The following PCGF5 variants were observed in gnomAD, a reference collection of about 807,000 sequenced individuals.
The protein encoded by PCGF5 is polycomb group ring finger 5.
PCGF5 carries 9 observed loss-of-function variants against 44.3 expected under a neutral mutation model. The observed-to-expected ratio is 0.20, with a 90% CI of 0.12 to 0.35. The LOEUF (loss-of-function observed/expected upper bound fraction) is 0.35, where lower values mean the gene tolerates loss of function less well. Ranked by LOEUF, PCGF5 falls within the 10% of genes least tolerant of loss-of-function variation. PCGF5 has a pLI of 1.00. For synonymous variants in PCGF5, 95 were observed against 102.5 expected (o/e 0.93, Z 0.44); for missense variants, 146 against 305.3 (o/e 0.48, Z 3.89).
intron 6 of PCGF5, among the ~76,000 whole-genome samples, chr10:91,257,286 A>T (rs1321113610): frequency 6.6e-6 from 1 of 152,086 alleles, no homozygotes; most frequent in East Asian, 1.9e-4. Flanking sequence ...GGATGGCCAG[A>T]AATTTTTTTT....
At chr10:91,228,182 G>T (rs1012555009) in intron 2 of PCGF5, among the ~76,000 whole-genome samples, 2 of 151,540 alleles carry the variant, frequency 1.3e-5, no homozygotes, top group East Asian at 3.9e-4. Context: ...AGGTGACCCT[G>T]GTGAAAAGAG....
At chr10:91,261,576 A>C in intron 7 of PCGF5, 152 bp downstream of exon 7, 2 of 1,038,504 alleles carry the variant, frequency 1.9e-6, no homozygotes, top group Non-Finnish European at 2.6e-6. Flanking sequence ...AGAATGTATT[A>C]TTCTACTTAG....
rs750027811 is a variant in PCGF5, at chr10:91,198,428, A to G, written c.-183-24261A>G. Among the ~76,000 whole-genome samples, 67 of 152,158 alleles carry G rather than the reference A, an allele frequency of 4.4e-4. 1 individual carries two copies. Among genetic ancestry groups the G allele is most frequent in the Non-Finnish European group, 7.8e-4 (53 of 68,022 alleles). ...GTTTTGTGGTCTTTACCCAGATGCC[A>G]TCTTCTCACTAATGCCTTTGCTGAC... On this transcript the variant is annotated intron_variant, in intron 1 of 9. Transcript: ENST00000614189.
intron 1 of PCGF5, among the ~76,000 whole-genome samples, chr10:91,198,225 G>C (rs370531049): frequency 1.3e-5 from 2 of 152,270 alleles, no homozygotes; most frequent in African/African-American, 4.8e-5. Context: ...TGGCCCAGAA[G>C]AGCCTGCGAG....
intron 8 of PCGF5, among the ~76,000 whole-genome samples, chr10:91,271,329 C>T (rs1308902328): frequency 6.6e-6 from 1 of 151,878 alleles, no homozygotes; most frequent in Non-Finnish European, 1.5e-5. Flanking sequence ...CTCGTGTATG[C>T]AAGAAGTGAG....
Position 91,185,648 on chromosome 10 carries a change from A to G in PCGF5, c.-184+22567A>G, listed in dbSNP as rs554817054. Among the ~76,000 whole-genome samples the G allele has an allele frequency of 1.2e-4, 19 of 152,340 alleles. No individual in the cohort carries two copies. In the South Asian group the frequency reaches 2.9e-3, roughly 23 times the overall value. On this transcript the variant is annotated intron_variant, in intron 1 of 9. Coordinates refer to the PCGF5 transcript ENST00000614189. The stretch of plus-strand genomic sequence containing the variant: ...ATGTAAAGCTCCTGGGTTTCTGTGT[A>G]TGCCTGAGTGGCTGCTCTGCCAAGA...
chr10:91,190,795 C>G (rs1429726644), intron 1 of PCGF5, among the ~76,000 whole-genome samples: 1 of 151,804 alleles, frequency 6.6e-6, no homozygotes, highest in African/African-American at 2.4e-5. Context: ...GTTTTCATTC[C>G]TGTTATAGGT....
At chr10:91,229,842 C>T (rs1285021811) in intron 2 of PCGF5, among the ~76,000 whole-genome samples, 4 of 152,012 alleles carry the variant, frequency 2.6e-5, no homozygotes, top group Admixed American at 6.5e-5. Context: ...TATTTATCAT[C>T]TCAGTAGGTG....
At chr10:91,157,188 T>C in the PCGF5 span, among the ~76,000 whole-genome samples, 2 of 152,314 alleles carry the variant, frequency 1.3e-5, no homozygotes, top group African/African-American at 4.8e-5. Flanking sequence ...ATTAAGTACT[T>C]TACATTTGTT....
At chr10:91,271,383 G>C (rs1846179146) in intron 8 of PCGF5, among the ~76,000 whole-genome samples, 1 of 151,978 alleles carries the variant, frequency 6.6e-6, no homozygotes, top group Admixed American at 6.6e-5. Flanking sequence ...GGAAAGGAGA[G>C]GCCACCATTT....
chr10:91,227,791 T>C (rs763060587), intron 2 of PCGF5: 79 of 990,786 alleles, frequency 8.0e-5, no homozygotes, highest in Non-Finnish European at 9.1e-5. Flanking sequence ...CACATACAAA[T>C]ACTTGGTTCA....
intron 3 of PCGF5, among the ~76,000 whole-genome samples, chr10:91,246,801 A>G (rs528132662): frequency 1.5e-3 from 226 of 152,226 alleles, no homozygotes; most frequent in African/African-American, 5.1e-3. Flanking sequence ...AAGCGAGACA[A>G]TGACTGGGCT....
intron 1 of PCGF5, among the ~76,000 whole-genome samples, chr10:91,165,198 A>G (rs1843478379): frequency 6.6e-6 from 1 of 152,238 alleles, no homozygotes; most frequent in South Asian, 2.1e-4. Context: ...CTACAGCACA[A>G]CAAGGGTTTG....
At chr10:91,234,472 G>C (rs1845096892) in intron 2 of PCGF5, among the ~76,000 whole-genome samples, 1 of 152,278 alleles carries the variant, frequency 6.6e-6, no homozygotes, top group African/African-American at 2.4e-5. Flanking sequence ...TTTCATACTT[G>C]AGTTGCAAGA....
At chr10:91,243,655 TA>T (rs1845385428) in intron 3 of PCGF5, among the ~76,000 whole-genome samples, 1 of 152,188 alleles carries the variant, frequency 6.6e-6, no homozygotes, top group Non-Finnish European at 1.5e-5. Flanking sequence ...TGGATGTTGC[TA>T]GTGCAACTGA....
chr10:91,219,102 C>T (rs1020306358), upstream of PCGF5, among the ~76,000 whole-genome samples: 1 of 152,178 alleles, frequency 6.6e-6, no homozygotes, highest in African/African-American at 2.4e-5. Context: ...AGACACAAAG[C>T]ACAGATTGCC....
intron 3 of PCGF5, among the ~76,000 whole-genome samples, chr10:91,242,419 TAA>T (rs11370726): frequency 6.6e-6 from 1 of 151,832 alleles, no homozygotes; most frequent in Non-Finnish European, 1.5e-5. Context: ...TTTATTAAAA[TAA>T]AAAACTGTTA....
At chr10:91,217,173 A>G (rs932563392), upstream of PCGF5, among the ~76,000 whole-genome samples, 8 of 152,134 alleles carry the variant, frequency 5.3e-5, no homozygotes, top group Non-Finnish European at 1.2e-4. Flanking sequence ...AGCTGGGACT[A>G]CAGGCACCTG....
At chr10:91,176,519 T>C (rs553419709) in intron 1 of PCGF5, among the ~76,000 whole-genome samples, 1 of 152,244 alleles carries the variant, frequency 6.6e-6, no homozygotes, top group South Asian at 2.1e-4. Flanking sequence ...CCAACTTGGT[T>C]CCATTCTCCC....
Sources: gnomAD v4.1 joint callset for allele counts (sites outside exome capture counted in the v4.1 genomes callset) on GRCh38, gnomAD v4.1.1 for gene constraint, MANE v1.5 for transcripts, NCBI Gene and HGNC (gene_info 2026-07-23, HGNC 2026-07-21) for gene names.